CFAP54: variants seen among roughly 807,000 people sequenced by gnomAD.
CFAP54 encodes cilia and flagella associated protein 54, also known as cilia- and flagella-associated protein 54.
In CFAP54, 290 loss-of-function variants were observed where a neutral mutation model predicts 370.4. The ratio of observed to expected loss-of-function variants is 0.78; its 90% confidence interval spans 0.71 to 0.86. CFAP54 has a LOEUF of 0.86. Among genes scored for constraint, CFAP54 ranks in the 40% least tolerant of loss-of-function variants. The pLI is 0.00. For synonymous variants in CFAP54, 1,206 were observed against 1,236.5 expected (o/e 0.98, Z 0.52); for missense variants, 3,399 against 3,528.7 (o/e 0.96, Z 0.93).
chr12:96,693,562 A>G (rs1490480131), intron 44 of CFAP54, among the ~76,000 whole-genome samples, 160 bp from the exon 45 acceptor site: 1 of 152,250 alleles, frequency 6.6e-6, no homozygotes, highest in Non-Finnish European at 1.5e-5. Context: ...AGCATGTGCT[A>G]GATAGATTAT....
intron 66 of CFAP54, among the ~76,000 whole-genome samples, chr12:96,836,672 A>G (rs1448344950): frequency 6.6e-6 from 1 of 152,176 alleles, no homozygotes; most frequent in Non-Finnish European, 1.5e-5. Context: ...TAGTCTATGC[A>G]ATATGTTTTC....
intron 56 of CFAP54, among the ~76,000 whole-genome samples, chr12:96,755,262 C>T (rs886690360): frequency 5.3e-5 from 8 of 151,988 alleles, no homozygotes; most frequent in East Asian, 1.9e-4. Flanking sequence ...TATAGTGTGA[C>T]GTTTTTGATA....
chr12:96,860,989 T>G, intron 67 of CFAP54, 37 bp downstream of exon 67: 2 of 1,413,256 alleles, frequency 1.4e-6, no homozygotes, highest in Non-Finnish European at 1.8e-6. Context: ...GTTGTTTCTC[T>G]TCATTTGAGC....
chr12:96,671,389 G>GTT (rs202116555), intron 39 of CFAP54, among the ~76,000 whole-genome samples: 3 of 151,806 alleles, frequency 2.0e-5, no homozygotes, highest in African/African-American at 7.3e-5. Flanking sequence ...ATAATTTAGG[G>GTT]GTTTTTTTTG....
At chr12:96,495,753 A>G (rs1954945743) in intron 1 of CFAP54, among the ~76,000 whole-genome samples, 2 of 152,146 alleles carry the variant, frequency 1.3e-5, no homozygotes, top group Admixed American at 6.6e-5. Flanking sequence ...TATGTAAGCT[A>G]TTCCCAATGA....
intron 63 of CFAP54, among the ~76,000 whole-genome samples, chr12:96,808,629 C>T (rs1958904238): frequency 6.6e-6 from 1 of 152,086 alleles, no homozygotes; most frequent in Non-Finnish European, 1.5e-5. Context: ...GAGGAGGAGC[C>T]TTTTATATCT....
chr12:96,842,466 T>C (rs1036632686), intron 66 of CFAP54, among the ~76,000 whole-genome samples: 1 of 152,166 alleles, frequency 6.6e-6, no homozygotes, highest in Non-Finnish European at 1.5e-5. Flanking sequence ...ACCAATCTGT[T>C]CTCCATATTG....
At chr12:96,604,216 G>A (rs1266996608) in intron 26 of CFAP54, among the ~76,000 whole-genome samples, 1 of 152,184 alleles carries the variant, frequency 6.6e-6, no homozygotes, top group African/African-American at 2.4e-5. Context: ...CCCCTCAGCT[G>A]CAGTTCTGTT....
At chr12:96,776,693 C>G (rs1045224947) in intron 60 of CFAP54, among the ~76,000 whole-genome samples, 3 of 152,148 alleles carry the variant, frequency 2.0e-5, no homozygotes, top group Non-Finnish European at 4.4e-5. Context: ...AAAGTTCATT[C>G]CAAAGTAGAA....
At chr12:96,722,394 C>A (rs1052280215) in intron 50 of CFAP54, among the ~76,000 whole-genome samples, 1 of 152,176 alleles carries the variant, frequency 6.6e-6, no homozygotes, top group African/African-American at 2.4e-5. Flanking sequence ...ATGCAAATAT[C>A]TATAGACAAA....
chr12:96,489,657 C>T lies in CFAP54; in HGVS notation c.48C>T (p.Thr16=). 2 of 1,533,672 alleles carry T rather than the reference C, an allele frequency of 1.3e-6. No individual in the cohort carries two copies. The highest frequency in any genetic ancestry group is 1.7e-6 in the Non-Finnish European group (2 of 1,144,890). The change falls in exon 1 of 68, where the codon ACC becomes ACT. Residue 16 remains threonine (T), a synonymous_variant. Coordinates refer to ENST00000524981, the MANE Select transcript of CFAP54 (RefSeq NM_001306084.2). ...SPSSSPSDDS[T]TSGSLPELPP... ...CGAGCTCTCCGTCAGACGACTCTAC[C>T]ACCTCGGGGTCTCTGCCAGAACTGC... is the stretch of plus-strand genomic sequence containing the variant.
chr12:96,622,358 CTCTT>C (rs1956507796), intron 27 of CFAP54, among the ~76,000 whole-genome samples: 1 of 119,504 alleles, frequency 8.4e-6, no homozygotes, highest in Non-Finnish European at 1.6e-5. Context: ...CTCTCTCTCT[CTCTT>C]TCTTTCTTGA....
intron 60 of CFAP54, among the ~76,000 whole-genome samples, chr12:96,778,287 C>G (rs1230896890): frequency 6.6e-6 from 1 of 152,136 alleles, no homozygotes; most frequent in African/African-American, 2.4e-5. Flanking sequence ...TTATTAGTCT[C>G]TAGGTTTTTG....
chr12:96,655,497 T>A (rs556941588), intron 36 of CFAP54, among the ~76,000 whole-genome samples: 1 of 152,138 alleles, frequency 6.6e-6, no homozygotes, highest in African/African-American at 2.4e-5. Flanking sequence ...AAGAGCACCT[T>A]ATGGAGTACA....
At chr12:96,503,068 CTCTT>C (rs200102465) in intron 2 of CFAP54, among the ~76,000 whole-genome samples, 2,232 of 115,668 alleles carry the variant, frequency 0.019, 65 homozygotes, top group African/African-American at 0.07. Context: ...TTCTCTCTCT[CTCTT>C]TCTTTCTTTC....
intron 32 of CFAP54, among the ~76,000 whole-genome samples, chr12:96,639,778 T>C (rs1270065354): frequency 4.0e-5 from 6 of 151,830 alleles, no homozygotes; most frequent in Non-Finnish European, 5.9e-5. Flanking sequence ...GTTCAACATA[T>C]GCAAATCAAT....
At chr12:96,647,780 C>A in intron 33 of CFAP54, 95 bp from the exon 34 acceptor site, 1 of 1,190,402 alleles carries the variant, frequency 8.4e-7, no homozygotes. Context: ...TGGGAGTACT[C>A]ACAAATGTTT....
At chr12:96,597,843 G>A (rs1278303454) in intron 25 of CFAP54, among the ~76,000 whole-genome samples, 2 of 151,812 alleles carry the variant, frequency 1.3e-5, no homozygotes, top group African/African-American at 4.8e-5. Context: ...ATTTATATGA[G>A]CTTCGGGAAA....
chr12:96,501,990 A>C (rs745309052), intron 2 of CFAP54, among the ~76,000 whole-genome samples: 1 of 152,216 alleles, frequency 6.6e-6, no homozygotes, highest in Non-Finnish European at 1.5e-5. Flanking sequence ...CAAGAATTAC[A>C]AGATAGCCCC....
Sources: gnomAD v4.1 joint callset for allele counts (sites outside exome capture counted in the v4.1 genomes callset) on GRCh38, gnomAD v4.1.1 for gene constraint, MANE v1.5 for transcripts, NCBI Gene and HGNC (gene_info 2026-07-23, HGNC 2026-07-21) for gene names.